UCHL3: variants seen among roughly 807,000 people sequenced by gnomAD.
UCHL3 encodes the protein ubiquitin C-terminal hydrolase L3.
Under a neutral mutation model 35.8 loss-of-function variants are expected in UCHL3, and 22 were observed. The observed-to-expected ratio is 0.61, with a 90% CI of 0.44 to 0.88. The LOEUF is 0.88. Ranked by LOEUF, UCHL3 falls within the 40% of genes least tolerant of loss-of-function variation. UCHL3 has a pLI of 0.00. For synonymous variants in UCHL3, 90 were observed against 92.8 expected, an observed-to-expected ratio of 0.97 and a Z score of 0.17; for missense variants, 229 against 276.9, an observed-to-expected ratio of 0.83 and a Z score of 1.23.
chr13:75,549,829 T>G lies in UCHL3; in HGVS notation c.9T>G (p.Gly3=). The G allele has an allele frequency of 6.3e-7, 1 of 1,592,238 alleles. No homozygotes were observed. The highest frequency in any genetic ancestry group is 8.5e-7 in the Non-Finnish European group (1 of 1,170,484). The change falls in exon 1 of 9, where the codon GGT becomes GGG. Residue 3 remains glycine (G), a synonymous_variant. Coordinates refer to ENST00000377595, the MANE Select transcript of UCHL3 (RefSeq NM_006002.5). The part of the protein sequence containing the change: ME[G]QRWLPLEANP... ...GGCCGGGCACCGCGGCCATGGAGGG[T>G]CAACGCTGGCTGCCGCTGGAGGCCA...
chr13:75,600,216 G>T (rs1175850029), intron 7 of UCHL3, among the ~76,000 whole-genome samples: 2 of 152,242 alleles, frequency 1.3e-5, no homozygotes, highest in East Asian at 3.8e-4. Flanking sequence ...TAACATAAAA[G>T]TGCATGGTGA....
At chr13:75,596,546 T>G (rs1010977271) in intron 7 of UCHL3, among the ~76,000 whole-genome samples, 37 of 152,288 alleles carry the variant, frequency 2.4e-4, no homozygotes, top group African/African-American at 8.2e-4. Context: ...TTCTGTTAAC[T>G]TCAAGAAAGT....
intron 6 of UCHL3, among the ~76,000 whole-genome samples, chr13:75,573,006 T>C (rs2031909476): frequency 6.6e-6 from 1 of 152,234 alleles, no homozygotes; most frequent in Non-Finnish European, 1.5e-5. Flanking sequence ...GGCTCACGCC[T>C]GTAATCCCAG....
At chr13:75,567,078 G>C in intron 4 of UCHL3, 149 bp from the exon 5 acceptor site, 1 of 849,474 alleles carries the variant, frequency 1.2e-6, no homozygotes, top group Non-Finnish European at 1.8e-6. Context: ...ATAATGTAAG[G>C]CTTATCATTT....
intron 6 of UCHL3, among the ~76,000 whole-genome samples, chr13:75,582,596 G>C (rs1442592905): frequency 1.3e-5 from 2 of 152,142 alleles, no homozygotes; most frequent in African/African-American, 4.8e-5. Context: ...TATCTAAAAA[G>C]TGAACTCTCT....
intron 2 of UCHL3, among the ~76,000 whole-genome samples, chr13:75,554,586 G>A (rs1296940537): frequency 2.0e-5 from 3 of 152,112 alleles, no homozygotes; most frequent in Non-Finnish European, 2.9e-5. Flanking sequence ...GACAACTATA[G>A]TAGGCTCCTA....
chr13:75,556,698 A>G (rs1424399677), intron 2 of UCHL3, among the ~76,000 whole-genome samples: 1 of 152,214 alleles, frequency 6.6e-6, no homozygotes, highest in Non-Finnish European at 1.5e-5. Flanking sequence ...TCTAGTTTGT[A>G]TGCAAAAACC....
intron 6 of UCHL3, among the ~76,000 whole-genome samples, chr13:75,592,415 CATAT>C (rs546657200): frequency 2.0e-3 from 83 of 40,538 alleles, no homozygotes; most frequent in African/African-American, 4.5e-3. Context: ...ATTTTTCCTT[CATAT>C]ATATATATAT....
At position 75,595,833 on chromosome 13, in the gene UCHL3, T is replaced by C. The variant is rs182407254; in HGVS notation, c.550+843T>C. ...CCTTTCAGTGGACTATTTCATGGCA[T>C]GTTGGAGGAGATCACATAATTTACT... On this transcript the variant is annotated intron_variant, in intron 7 of 8. Transcript: ENST00000377595. Among the ~76,000 whole-genome samples, 694 of 151,890 alleles carry C rather than the reference T, an allele frequency of 4.6e-3. 3 individuals carry two copies. Among genetic ancestry groups the C allele is most frequent in the Admixed American group, 0.011 (167 of 15,228 alleles).
intron 6 of UCHL3, among the ~76,000 whole-genome samples, chr13:75,588,740 A>G (rs1012372347): frequency 3.9e-5 from 6 of 152,170 alleles, no homozygotes. Flanking sequence ...CTTAAGAGAA[A>G]TCTATTATGG....
In UCHL3 at chr13:75,549,843, C is replaced by A. The variant is rs1225510704; in HGVS notation, c.23C>A (p.Pro8Gln). Residue 8 changes from proline (P) to glutamine (Q), a missense_variant, in exon 1 of 9, where the codon CCG becomes CAG. Transcript: ENST00000377595. MEGQRWL[P>Q]LEANPEVTNQ... ...GCCATGGAGGGTCAACGCTGGCTGC[C>A]GCTGGAGGCCAATCCCGAGGTGGGC... 1 of 1,600,594 alleles carries A rather than the reference C, an allele frequency of 6.2e-7. No individual in the cohort carries two copies. The highest frequency in any genetic ancestry group is 1.7e-5 in the Admixed American group (1 of 59,314).
intron 7 of UCHL3, 157 bp from the exon 8 acceptor site, chr13:75,604,612 A>G: frequency 2.3e-6 from 1 of 432,870 alleles, no homozygotes; most frequent in East Asian, 3.6e-5. Context: ...AATAAAAAAT[A>G]TTCATGGTAG....
At chr13:75,589,495 T>C (rs2032417613) in intron 6 of UCHL3, among the ~76,000 whole-genome samples, 1 of 152,194 alleles carries the variant, frequency 6.6e-6, no homozygotes, top group Non-Finnish European at 1.5e-5. Flanking sequence ...TTTTTTTTTC[T>C]TCTTGGAGCT....
intron 5 of UCHL3, among the ~76,000 whole-genome samples, chr13:75,567,799 C>T (rs536079713): frequency 3.9e-5 from 6 of 152,248 alleles, no homozygotes; most frequent in African/African-American, 9.6e-5. Context: ...CCCTCCACCT[C>T]GGCCTCCCAA....
At chr13:75,582,131 C>A (rs1174396524) in intron 6 of UCHL3, among the ~76,000 whole-genome samples, 1 of 145,304 alleles carries the variant, frequency 6.9e-6, no homozygotes, top group Non-Finnish European at 1.5e-5. Flanking sequence ...TCTGAAAAAA[C>A]CAAAACTGTC....
intron 6 of UCHL3, among the ~76,000 whole-genome samples, chr13:75,592,029 A>G (rs2032490079): frequency 1.3e-5 from 2 of 152,102 alleles, no homozygotes; most frequent in Admixed American, 6.5e-5. Context: ...CTCAACCAGT[A>G]TGATGATTAA....
Position 75,594,911 on chromosome 13 carries a change from C to G in UCHL3, c.475-4C>G, listed in dbSNP as rs372973190. The G allele has an allele frequency of 9.2e-5, 148 of 1,604,098 alleles. 4 individuals are homozygous for G. In the East Asian group the frequency reaches 1.1e-3, roughly 12 times the overall value. On this transcript the variant is annotated splice_region_variant and splice_polypyrimidine_tract_variant and intron_variant, in intron 6 of 8. Coordinates refer to ENST00000377595, the MANE Select transcript of UCHL3 (RefSeq NM_006002.5). Reference sequence around the variant, plus strand: ...ATAATACCTATTTTTCCCTCCTATTCCAGGCACCAAGTATAGATGAGAAAG... The same window carrying G: ...ATAATACCTATTTTTCCCTCCTATTGCAGGCACCAAGTATAGATGAGAAAG...
At chr13:75,593,560 T>A (rs1282362933) in intron 6 of UCHL3, among the ~76,000 whole-genome samples, 1 of 152,136 alleles carries the variant, frequency 6.6e-6, no homozygotes, top group Non-Finnish European at 1.5e-5. Flanking sequence ...CCTCTGGCAT[T>A]AGAGGGGCTA....
chr13:75,566,747 A>T lies in UCHL3; in HGVS notation c.236A>T (p.Asp79Val). ...GAAAAAATAAAATCTCAGGGACAAG[A>T]TGTTACATCATCAGTATATTTCATG... ...EEEKIKSQGQ[D>V]VTSSVYFMKQ... Residue 79 changes from aspartate to valine, a missense_variant, in exon 4 of 9, where the codon GAT (aspartate) becomes GTT (valine). Coordinates refer to ENST00000377595, the MANE Select transcript of UCHL3 (RefSeq NM_006002.5). The T allele has an allele frequency of 6.2e-7, 1 of 1,608,288 alleles. No homozygotes were observed. Among genetic ancestry groups the T allele is most frequent in the Non-Finnish European group, 8.5e-7 (1 of 1,177,418 alleles).
Sources: gnomAD v4.1 joint callset for allele counts (sites outside exome capture counted in the v4.1 genomes callset) on GRCh38, gnomAD v4.1.1 for gene constraint, MANE v1.5 for transcripts, NCBI Gene and HGNC (gene_info 2026-07-23, HGNC 2026-07-21) for gene names.